The following FHOD3 variants were observed in gnomAD, a reference collection of about 807,000 sequenced individuals.
The protein encoded by FHOD3 is formin homology 2 domain containing 3.
FHOD3 carries 90 observed loss-of-function variants against 173.0 expected under a neutral mutation model. The observed-to-expected ratio is 0.52, with a 90% confidence interval of 0.44 to 0.62. The LOEUF is 0.62. Among genes scored for constraint, FHOD3 ranks in the 20% least tolerant of loss-of-function variants. FHOD3 has a pLI of 0.00. For missense variants in FHOD3, 1,945 were observed against 2,034.7 expected (o/e 0.96, Z 0.85); for synonymous variants, 828 against 823.0 (o/e 1.01, Z -0.10).
At chr18:36,475,955 A>G (rs913411939) in intron 3 of FHOD3, among the ~76,000 whole-genome samples, 24 of 152,240 alleles carry the variant, frequency 1.6e-4, no homozygotes, top group African/African-American at 5.1e-4. Flanking sequence ...AATGTTGACA[A>G]AATGTACAAT....
chr18:36,383,759 T>C (rs2047900406), intron 3 of FHOD3, among the ~76,000 whole-genome samples: 1 of 152,308 alleles, frequency 6.6e-6, no homozygotes, highest in East Asian at 1.9e-4. Context: ...TCCCACTTAA[T>C]AGAGGAGAAA....
intron 14 of FHOD3, among the ~76,000 whole-genome samples, chr18:36,667,704 AACATTACTGTTCATGCCTAGG>A (rs2037272786): frequency 6.6e-6 from 1 of 152,174 alleles, no homozygotes; most frequent in Non-Finnish European, 1.5e-5. Flanking sequence ...TGAAAGCATG[AACATTACTGTTCATGCCTAGG>A]ACATTACTGT....
chr18:36,502,314 A>G (rs2055080194), intron 4 of FHOD3, among the ~76,000 whole-genome samples: 1 of 151,774 alleles, frequency 6.6e-6, no homozygotes, highest in Non-Finnish European at 1.5e-5. Context: ...TTTGTTACAC[A>G]GGCATACATG....
At chr18:36,632,971 G>C (rs2034621635) in intron 10 of FHOD3, among the ~76,000 whole-genome samples, 1 of 152,152 alleles carries the variant, frequency 6.6e-6, no homozygotes, top group Non-Finnish European at 1.5e-5. Context: ...TGCACTCTTT[G>C]GCCTTTGACT....
At chr18:36,653,111 T>G (rs1199925115) in intron 12 of FHOD3, among the ~76,000 whole-genome samples, 182 bp downstream of exon 12, 2 of 152,376 alleles carry the variant, frequency 1.3e-5, no homozygotes, top group South Asian at 2.1e-4. Context: ...AGTGTTTACA[T>G]AAGATGCAGA....
chr18:36,523,751 C>G (rs574010973), intron 5 of FHOD3, among the ~76,000 whole-genome samples: 67 of 152,264 alleles, frequency 4.4e-4, no homozygotes, highest in African/African-American at 1.5e-3. Flanking sequence ...CCTCTTAGAT[C>G]CCTTCCAGCT....
At chr18:36,761,663 G>A (rs1567953897) in intron 27 of FHOD3, among the ~76,000 whole-genome samples, 1 of 151,950 alleles carries the variant, frequency 6.6e-6, no homozygotes, top group South Asian at 2.1e-4. Context: ...CTCATCCTCT[G>A]GGCACTGTCC....
At chr18:36,475,747 AACATACACACACAC>A (rs1335072431) in intron 3 of FHOD3, among the ~76,000 whole-genome samples, 1 of 119,862 alleles carries the variant, frequency 8.3e-6, no homozygotes, top group Non-Finnish European at 1.7e-5. Flanking sequence ...CATATATAGA[AACATACACACACAC>A]ACACACACAC....
intron 10 of FHOD3, among the ~76,000 whole-genome samples, chr18:36,641,448 A>T (rs983553009): frequency 2.0e-5 from 3 of 152,212 alleles, no homozygotes; most frequent in African/African-American, 7.2e-5. Context: ...ACAAAATTCC[A>T]TCTTGTCCCT....
In FHOD3 at chr18:36,613,726, T is replaced by C. The variant is rs537338279; in HGVS notation, c.957+1631T>C. Among the ~76,000 whole-genome samples, 3 of 152,170 alleles carry C rather than the reference T, an allele frequency of 2.0e-5. No individual in the cohort carries two copies. In the South Asian group the frequency reaches 6.2e-4, roughly 32 times the overall value. ...TCTCTCTCTGTTGCCCAGGCTAGAG[T>C]GTGGTGGCGCGATCTCGGCTCACTG... On this transcript the variant is annotated intron_variant, in intron 9 of 28. Transcript: ENST00000590592.
intron 6 of FHOD3, among the ~76,000 whole-genome samples, chr18:36,588,448 A>G (rs534466330): frequency 6.6e-6 from 1 of 152,344 alleles, no homozygotes; most frequent in Non-Finnish European, 1.5e-5. Flanking sequence ...CAGTTTTAAT[A>G]ACCAGCATCC....
intron 19 of FHOD3, among the ~76,000 whole-genome samples, chr18:36,721,467 C>T (rs112831160): frequency 0.023 from 3,497 of 152,090 alleles, 69 homozygotes; most frequent in Middle Eastern, 0.041. Context: ...ATGGTGAAAC[C>T]CCATCTCTAT....
chr18:36,633,852 A>G (rs1025725072), intron 10 of FHOD3, among the ~76,000 whole-genome samples: 6 of 152,310 alleles, frequency 3.9e-5, no homozygotes, highest in African/African-American at 1.4e-4. Flanking sequence ...TTGATCCTGA[A>G]ATCATACTTA....
chr18:36,713,736 T>C (rs1568654475), intron 18 of FHOD3, among the ~76,000 whole-genome samples: 1 of 152,200 alleles, frequency 6.6e-6, no homozygotes, highest in Non-Finnish European at 1.5e-5. Context: ...TATATGAATG[T>C]ATTAAATTAT....
intron 5 of FHOD3, among the ~76,000 whole-genome samples, chr18:36,534,357 T>G (rs947120142): frequency 9.9e-5 from 15 of 152,026 alleles, no homozygotes; most frequent in African/African-American, 3.6e-4. Flanking sequence ...TGGGACAGGG[T>G]GAGTCTGAGA....
chr18:36,779,769 C>A lies in FHOD3; in HGVS notation c.*239C>A, dbSNP rs2043954908. 2 of 545,774 alleles carry A rather than the reference C, an allele frequency of 3.7e-6. No individual in the cohort carries two copies. The highest frequency in any genetic ancestry group is 6.5e-6 in the Non-Finnish European group (2 of 308,068). 33.8% of individuals were successfully genotyped at this position (545,774 alleles called of 1,614,324 possible). On this transcript the variant is annotated 3_prime_UTR_variant, in exon 29 of 29. Coordinates refer to ENST00000590592, the MANE Select transcript of FHOD3 (RefSeq NM_001281740.3). ...AGCTGTGTTTCTCTTGATTCCGTGA[C>A]ACCCGGTTTATTAGTTCAAAAGTGT... is the stretch of plus-strand genomic sequence containing the variant.
chr18:36,523,203 G>T (rs1418254817), intron 5 of FHOD3, among the ~76,000 whole-genome samples: 7 of 152,174 alleles, frequency 4.6e-5, no homozygotes, highest in Non-Finnish European at 1.5e-5. Flanking sequence ...GGTAACGTTG[G>T]CCTTGAGCTG....
chr18:36,743,987 A>G (rs764290261), intron 22 of FHOD3, 45 bp from the exon 23 acceptor site: 2 of 1,609,414 alleles, frequency 1.2e-6, no homozygotes, highest in South Asian at 1.1e-5. Flanking sequence ...GCTATTCTCT[A>G]AGAGCCTGCT....
chr18:36,602,835 GT>G, intron 8 of FHOD3, 67 bp downstream of exon 8: 1 of 1,252,634 alleles, frequency 8.0e-7, no homozygotes, highest in Non-Finnish European at 1.2e-6. Context: ...CTGACCCCTG[GT>G]ATCTGTGCTT....
Sources: allele counts gnomAD v4.1 joint callset (sites outside exome capture counted in the v4.1 genomes callset), GRCh38; gene constraint gnomAD v4.1.1; transcripts MANE v1.5; gene names NCBI Gene and HGNC (gene_info 2026-07-23, HGNC 2026-07-21).